The following MAML2 variants were observed in gnomAD, a reference collection of about 807,000 sequenced individuals.
The protein encoded by MAML2 is mastermind like transcriptional coactivator 2.
In MAML2, 22 loss-of-function variants were observed where a neutral mutation model predicts 96.1. The ratio of observed to expected loss-of-function variants is 0.23; its 90% CI spans 0.16 to 0.33. MAML2 has a LOEUF of 0.33. Ranked by LOEUF, MAML2 falls within the 10% of genes least tolerant of loss-of-function variation. The pLI, the probability that MAML2 is intolerant of heterozygous loss-of-function variation, is 1.00. For missense variants in MAML2, 1,367 were observed against 1,392.4 expected (o/e 0.98, Z 0.29); for synonymous variants, 561 against 521.3 (o/e 1.08, Z -1.04).
intron 4 of MAML2, among the ~76,000 whole-genome samples, chr11:95,983,927 G>A (rs1438894318): frequency 6.6e-6 from 1 of 152,108 alleles, no homozygotes; most frequent in South Asian, 2.1e-4. Flanking sequence ...TGCAGCCTAA[G>A]TGTACAGTGT....
intron 1 of MAML2, among the ~76,000 whole-genome samples, chr11:96,312,674 A>G (rs1289610976): frequency 2.0e-5 from 3 of 152,224 alleles, no homozygotes; most frequent in Non-Finnish European, 4.4e-5. Flanking sequence ...TTGTGGTGGA[A>G]CATTCATTAC....
At chr11:96,167,200 T>C (rs1861207753) in intron 1 of MAML2, among the ~76,000 whole-genome samples, 2 of 152,200 alleles carry the variant, frequency 1.3e-5, no homozygotes, top group Admixed American at 6.5e-5. Flanking sequence ...TAAAGTCTAA[T>C]CTGGACACTC....
chr11:96,133,888 A>G (rs1032715801), intron 1 of MAML2, among the ~76,000 whole-genome samples: 2 of 152,094 alleles, frequency 1.3e-5, no homozygotes, highest in Non-Finnish European at 2.9e-5. Context: ...CAGCTACTCA[A>G]GAGGCTGAGG....
chr11:96,092,602 G>A lies in MAML2; in HGVS notation c.1429C>T (p.Gln477Ter). Residue 477 changes from glutamine (Q) to a stop codon, truncating the protein, a stop_gained, in exon 2 of 5, where the codon CAG becomes TAG. Transcript: ENST00000524717. LOFTEE classifies it high-confidence loss of function. The surrounding 1 kb of genome is among the most constrained non-coding windows in gnomAD (Gnocchi z 4.1). Reference protein sequence around the residue: ...SAGPSPGPFGQEKIPSPSFGQ... With the variant: ...SAGPSPGPFG ...AAAGAAGGGCTGGGGATTTTCTCCT[G>A]CCCAAATGGACCTGGTGATGGTCCA... is the stretch of plus-strand genomic sequence containing the variant. 6.2e-7 allele frequency: 1 copy of A among 1,611,740 alleles called. No homozygotes were observed. Among genetic ancestry groups the A allele is most frequent in the Non-Finnish European group, 8.5e-7 (1 of 1,178,198 alleles).
At chr11:96,048,141 T>C (rs1027373877) in intron 2 of MAML2, among the ~76,000 whole-genome samples, 2 of 152,126 alleles carry the variant, frequency 1.3e-5, no homozygotes, top group Admixed American at 6.5e-5. Context: ...GTACCCACTC[T>C]AGTTACCTCA....
chr11:96,326,624 G>A (rs1435166531), intron 1 of MAML2, among the ~76,000 whole-genome samples: 1 of 151,852 alleles, frequency 6.6e-6, no homozygotes, highest in Non-Finnish European at 1.5e-5. Context: ...GTGAAACCCC[G>A]TCTCTACTGA....
chr11:96,232,497 T>C (rs1205764011), intron 1 of MAML2, among the ~76,000 whole-genome samples: 1 of 151,694 alleles, frequency 6.6e-6, no homozygotes, highest in Non-Finnish European at 1.5e-5. Flanking sequence ...TGAGATGGAA[T>C]CTCACTCAGT....
intron 1 of MAML2, among the ~76,000 whole-genome samples, chr11:96,104,357 A>T (rs1859987327): frequency 1.3e-5 from 2 of 152,264 alleles, no homozygotes; most frequent in African/African-American, 4.8e-5. Flanking sequence ...TGGTGGCATG[A>T]TGATAAATTT....
chr11:96,193,162 T>C (rs1861680096), intron 1 of MAML2, among the ~76,000 whole-genome samples: 1 of 151,974 alleles, frequency 6.6e-6, no homozygotes, highest in Non-Finnish European at 1.5e-5. Flanking sequence ...AGGTCAGGAG[T>C]TTGAGACAAG....
At chr11:96,165,932 C>T (rs1861181467) in intron 1 of MAML2, among the ~76,000 whole-genome samples, 1 of 152,126 alleles carries the variant, frequency 6.6e-6, no homozygotes, top group Admixed American at 6.5e-5. Flanking sequence ...AATTGCTCTG[C>T]CTTAGGCAGG....
intron 1 of MAML2, among the ~76,000 whole-genome samples, chr11:96,194,499 T>C (rs573051453): frequency 1.3e-5 from 2 of 152,218 alleles, no homozygotes; most frequent in Admixed American, 6.5e-5. Flanking sequence ...GCCTCCTTTA[T>C]GCAAAACAGT....
At chr11:96,012,176 C>T (rs968591016) in intron 2 of MAML2, among the ~76,000 whole-genome samples, 2 of 152,194 alleles carry the variant, frequency 1.3e-5, no homozygotes, top group African/African-American at 2.4e-5. Flanking sequence ...CCTCTGAAAG[C>T]ACCACTAGCA....
At chr11:96,004,366 A>T (rs2135721370) in intron 2 of MAML2, among the ~76,000 whole-genome samples, 3 of 152,302 alleles carry the variant, frequency 2.0e-5, no homozygotes, top group Middle Eastern at 6.8e-3. Context: ...TTATACATGA[A>T]ACAAATCCGG....
At chr11:96,026,203 A>T (rs1393455639) in intron 2 of MAML2, among the ~76,000 whole-genome samples, 1 of 152,230 alleles carries the variant, frequency 6.6e-6, no homozygotes, top group East Asian at 1.9e-4. Flanking sequence ...CTCTCCCATT[A>T]GACTAAGAGT....
At chr11:96,207,267 G>A (rs967526047) in intron 1 of MAML2, among the ~76,000 whole-genome samples, 4 of 152,100 alleles carry the variant, frequency 2.6e-5, no homozygotes, top group African/African-American at 9.7e-5. Context: ...TTATTCACTG[G>A]CCCATCTTTT....
At chr11:96,196,626 C>A (rs1861735757) in intron 1 of MAML2, among the ~76,000 whole-genome samples, 1 of 152,202 alleles carries the variant, frequency 6.6e-6, no homozygotes, top group South Asian at 2.1e-4. Context: ...CCTCCCCATG[C>A]TGGTAGCAGG....
chr11:96,343,106 G>A lies in MAML2; in HGVS notation c.-1211C>T, dbSNP rs1208451897. 4 of 398,472 alleles carry A rather than the reference G, an allele frequency of 1.0e-5. No homozygotes were observed. The highest frequency in any genetic ancestry group is 1.8e-5 in the Non-Finnish European group (4 of 226,078). The allele number at this position is 398,472 out of a possible 1,614,324, so 24.7% of individuals were successfully genotyped here. Reference sequence around the variant, plus strand: ...TTCTCTTTCTCGTCTGTTGTTAGCCGCTTTGCTGACACTGGCTCGCGCCCG... The same window carrying A: ...TTCTCTTTCTCGTCTGTTGTTAGCCACTTTGCTGACACTGGCTCGCGCCCG... On this transcript the variant is annotated 5_prime_UTR_variant, in exon 1 of 5. Transcript: ENST00000524717.
At chr11:96,323,047 G>A (rs1481665774) in intron 1 of MAML2, among the ~76,000 whole-genome samples, 6 of 150,976 alleles carry the variant, frequency 4.0e-5, no homozygotes, top group Non-Finnish European at 8.8e-5. Flanking sequence ...TCAATTTAGG[G>A]AACTCACAAA....
At chr11:96,135,856 C>CCAT (rs1316953404) in intron 1 of MAML2, among the ~76,000 whole-genome samples, 2 of 78,778 alleles carry the variant, frequency 2.5e-5, no homozygotes, top group Non-Finnish European at 5.0e-5. Flanking sequence ...GAGTGAGACA[C>CCAT]CATCTCAAAA....
Sources: gnomAD v4.1 joint callset for allele counts (sites outside exome capture counted in the v4.1 genomes callset) on GRCh38, gnomAD v4.1.1 for gene constraint, Gnocchi (gnomAD v3.1) non-coding constraint, MANE v1.5 for transcripts, NCBI Gene and HGNC (gene_info 2026-07-23, HGNC 2026-07-21) for gene names.